The following FBXO4 variants were observed in gnomAD, a reference collection of about 807,000 sequenced individuals.
The protein encoded by FBXO4 is F-box only protein 4.
In FBXO4, 36 loss-of-function variants were observed where a neutral mutation model predicts 43.7. The ratio of observed to expected loss-of-function variants is 0.82; its 90% CI spans 0.63 to 1.09. The LOEUF is 1.09. Ranked by LOEUF, FBXO4 falls within the 50% of genes least tolerant of loss-of-function variation. FBXO4 has a pLI of 0.00. For synonymous variants in FBXO4, 180 were observed against 165.6 expected (o/e 1.09, Z -0.67); for missense variants, 435 against 474.1 (o/e 0.92, Z 0.77).
the FBXO4 span, among the ~76,000 whole-genome samples, chr5:41,999,543 A>ATATGTG: frequency 9.3e-6 from 1 of 107,582 alleles, no homozygotes; most frequent in Non-Finnish European, 1.7e-5. Context: ...ATACATATAT[A>ATATGTG]TGTATATATA....
the FBXO4 span, among the ~76,000 whole-genome samples, chr5:41,959,181 G>A: frequency 6.6e-6 from 1 of 152,054 alleles, no homozygotes; most frequent in African/African-American, 2.4e-5. Flanking sequence ...TTAGCCATCC[G>A]TATATCTTCT....
chr5:41,966,785 G>A, the FBXO4 span, among the ~76,000 whole-genome samples: 12,101 of 151,916 alleles, frequency 0.08, 695 homozygotes, highest in African/African-American at 0.16. Context: ...AATGATTATC[G>A]ATGCTTATAG....
the FBXO4 span, among the ~76,000 whole-genome samples, chr5:41,971,158 G>C: frequency 5.9e-5 from 9 of 151,532 alleles, no homozygotes; most frequent in African/African-American, 2.2e-4. Context: ...CCAGATTGAG[G>C]AATGGTATGT....
At chr5:41,931,135 A>G (rs1751676040) in intron 3 of FBXO4, among the ~76,000 whole-genome samples, 2 of 152,224 alleles carry the variant, frequency 1.3e-5, no homozygotes, top group South Asian at 4.1e-4. Flanking sequence ...CATGTTAGAA[A>G]GATTACTCAG....
At chr5:41,930,681 T>C (rs1168236673) in intron 3 of FBXO4, among the ~76,000 whole-genome samples, 1 of 151,472 alleles carries the variant, frequency 6.6e-6, no homozygotes, top group Non-Finnish European at 1.5e-5. Flanking sequence ...TTTTTTTTTT[T>C]TTTTGAGATG....
At chr5:41,957,187 A>C in the FBXO4 span, among the ~76,000 whole-genome samples, 1 of 151,732 alleles carries the variant, frequency 6.6e-6, no homozygotes, top group African/African-American at 2.4e-5. Flanking sequence ...TATTTCTTTC[A>C]ATATTTATTC....
chr5:41,967,678 G>T, the FBXO4 span: 1 of 668,658 alleles, frequency 1.5e-6, no homozygotes, highest in South Asian at 1.5e-5. Context: ...CTGGTATACG[G>T]AATACTGGTC....
chr5:41,939,630 T>C lies in FBXO4; in HGVS notation c.1074+14T>C, dbSNP rs1361413147. ...CACCCATGGCTGGTAAGATCATTTATACTCTAGTGACAAAAATTTTATTTT... is the reference window on the plus strand; with the variant it reads ...CACCCATGGCTGGTAAGATCATTTACACTCTAGTGACAAAAATTTTATTTT... On this transcript the variant is annotated intron_variant, in intron 6 of 6. Coordinates refer to ENST00000281623, the MANE Select transcript of FBXO4 (RefSeq NM_012176.3). The C allele has an allele frequency of 6.4e-7, 1 of 1,569,148 alleles. No homozygotes were observed. Among genetic ancestry groups the C allele is most frequent in the Non-Finnish European group, 8.6e-7 (1 of 1,158,292 alleles).
At chr5:42,037,007 C>G in the FBXO4 span, among the ~76,000 whole-genome samples, 1 of 152,056 alleles carries the variant, frequency 6.6e-6, no homozygotes, top group Admixed American at 6.6e-5. Flanking sequence ...CCAAATTTCT[C>G]TTTCCTCACA....
the FBXO4 span, among the ~76,000 whole-genome samples, chr5:42,006,914 A>ATATATATATATATATATATG: frequency 1.4e-4 from 20 of 141,494 alleles, no homozygotes; most frequent in African/African-American, 5.1e-4. Flanking sequence ...ATATATATAT[A>ATATATATATATATATATATG]TATGTATATA....
the FBXO4 span, among the ~76,000 whole-genome samples, chr5:41,987,268 T>C: frequency 2.0e-5 from 3 of 152,220 alleles, no homozygotes; most frequent in African/African-American, 7.2e-5. Flanking sequence ...TGTAATATAA[T>C]GCAACCATCT....
chr5:42,000,000 C>G, the FBXO4 span, among the ~76,000 whole-genome samples: 1 of 152,194 alleles, frequency 6.6e-6, no homozygotes, highest in East Asian at 1.9e-4. Flanking sequence ...CAGGCCCTAG[C>G]AACCATCATT....
chr5:41,960,470 G>A, the FBXO4 span, among the ~76,000 whole-genome samples: 9 of 152,142 alleles, frequency 5.9e-5, no homozygotes, highest in South Asian at 6.2e-4. Flanking sequence ...CATTGAGTAC[G>A]ATATTAGCTG....
At chr5:41,999,524 CATATATATAT>C in the FBXO4 span, among the ~76,000 whole-genome samples, 5 of 87,840 alleles carry the variant, frequency 5.7e-5, no homozygotes, top group East Asian at 2.7e-4. Flanking sequence ...TATATATATA[CATATATATAT>C]ACATATATAT....
the FBXO4 span, among the ~76,000 whole-genome samples, chr5:41,983,593 T>G: frequency 6.6e-6 from 1 of 152,146 alleles, no homozygotes; most frequent in Non-Finnish European, 1.5e-5. Context: ...GAATTTTTTC[T>G]TGGTCTTTTC....
At chr5:41,942,468 C>T (rs2112591520), downstream of FBXO4, among the ~76,000 whole-genome samples, 1 of 151,068 alleles carries the variant, frequency 6.6e-6, no homozygotes, top group South Asian at 2.1e-4. Context: ...GATATTATAT[C>T]TGATGAATGG....
chr5:41,961,535 A>T, the FBXO4 span, among the ~76,000 whole-genome samples: 2 of 152,166 alleles, frequency 1.3e-5, no homozygotes, highest in African/African-American at 4.8e-5. Flanking sequence ...ACAGCATGTG[A>T]TGTGCAGGTG....
chr5:42,029,169 G>C, the FBXO4 span, among the ~76,000 whole-genome samples: 1 of 151,984 alleles, frequency 6.6e-6, no homozygotes, highest in African/African-American at 2.4e-5. Context: ...GCCTCAGAAA[G>C]TCTTTATTTC....
At chr5:41,956,200 T>C in the FBXO4 span, among the ~76,000 whole-genome samples, 2 of 152,204 alleles carry the variant, frequency 1.3e-5, no homozygotes, top group African/African-American at 4.8e-5. Context: ...GGACTATAAC[T>C]ATACACCCTA....
Sources: gnomAD v4.1 joint callset for allele counts (sites outside exome capture counted in the v4.1 genomes callset) on GRCh38, gnomAD v4.1.1 for gene constraint, MANE v1.5 for transcripts, NCBI Gene and HGNC (gene_info 2026-07-23, HGNC 2026-07-21) for gene names.